MYO1E: variants seen among roughly 807,000 people sequenced by gnomAD.
The protein encoded by MYO1E is myosin IE, also known as unconventional myosin-Ie.
Under a neutral mutation model 151.1 loss-of-function variants are expected in MYO1E, and 68 were observed. The ratio of observed to expected loss-of-function variants is 0.45; its 90% CI spans 0.37 to 0.55. The LOEUF is 0.55. Among genes scored for constraint, MYO1E ranks in the 20% least tolerant of loss-of-function variants. The pLI is 0.00. For missense variants in MYO1E, 1,363 were observed against 1,389.3 expected (o/e 0.98, Z 0.30); for synonymous variants, 601 against 501.7 (o/e 1.20, Z -2.64).
At chr15:59,186,395 A>G in intron 18 of MYO1E, among the ~76,000 whole-genome samples, 1 of 126,348 alleles carries the variant, frequency 7.9e-6, no homozygotes, top group Non-Finnish European at 1.6e-5. Flanking sequence ...GTTATATACA[A>G]TCTGAATTTT....
chr15:59,174,281 C>T, intron 19 of MYO1E, 41 bp from the exon 20 acceptor site: 1 of 1,417,338 alleles, frequency 7.1e-7, no homozygotes, highest in Non-Finnish European at 1.0e-6. Flanking sequence ...AAGCCCCAAG[C>T]CCCAATCCCT....
At chr15:59,189,084 C>T (rs547755670) in intron 17 of MYO1E, among the ~76,000 whole-genome samples, 42 of 152,110 alleles carry the variant, frequency 2.8e-4, no homozygotes, top group African/African-American at 1.0e-3. Context: ...TTTTTTGATA[C>T]AGGGTCTCAC....
intron 15 of MYO1E, among the ~76,000 whole-genome samples, chr15:59,204,448 G>C (rs1427314492): frequency 6.6e-6 from 1 of 152,212 alleles, no homozygotes; most frequent in Admixed American, 6.5e-5. Context: ...AACTAATAGA[G>C]AGCAAAAGGG....
At chr15:59,242,966 G>C (rs1702363305) in intron 4 of MYO1E, among the ~76,000 whole-genome samples, 1 of 152,194 alleles carries the variant, frequency 6.6e-6, no homozygotes. Flanking sequence ...AAAAGTCAGA[G>C]AGGTACACAG....
At chr15:59,308,337 A>C (rs2080528321) in intron 1 of MYO1E, among the ~76,000 whole-genome samples, 2 of 149,448 alleles carry the variant, frequency 1.3e-5, no homozygotes, top group Non-Finnish European at 3.0e-5. Context: ...GGAGTTCGAG[A>C]CCAGCATGGC....
intron 1 of MYO1E, among the ~76,000 whole-genome samples, chr15:59,298,409 C>T (rs1450110677): frequency 3.3e-5 from 5 of 152,156 alleles, no homozygotes; most frequent in Non-Finnish European, 7.3e-5. Flanking sequence ...TGCGTTCTAC[C>T]TCCACAAGGT....
chr15:59,228,449 C>T (rs949705143), intron 6 of MYO1E, among the ~76,000 whole-genome samples: 1 of 151,748 alleles, frequency 6.6e-6, no homozygotes, highest in East Asian at 1.9e-4. Context: ...CAGCCTGGGC[C>T]AGAGAGCGAG....
At chr15:59,224,904 C>T in intron 7 of MYO1E, 81 bp from the exon 8 acceptor site, 3 of 1,580,042 alleles carry the variant, frequency 1.9e-6, no homozygotes, top group Non-Finnish European at 2.6e-6. Context: ...CAGCCACCAT[C>T]CCTAAGGACT....
At chr15:59,363,168 G>A (rs1239235194) in intron 1 of MYO1E, among the ~76,000 whole-genome samples, 4 of 151,858 alleles carry the variant, frequency 2.6e-5, no homozygotes, top group Admixed American at 6.6e-5. Context: ...TAGTAGAGAC[G>A]GGGTTTCACC....
chr15:59,221,782 G>A (rs543477842), intron 9 of MYO1E, among the ~76,000 whole-genome samples: 1 of 152,260 alleles, frequency 6.6e-6, no homozygotes, highest in East Asian at 1.9e-4. Flanking sequence ...CTAGGGAAGT[G>A]TTTGCTGTTT....
intron 26 of MYO1E, among the ~76,000 whole-genome samples, chr15:59,153,198 GC>G (rs1455459033): frequency 6.6e-6 from 1 of 152,188 alleles, no homozygotes; most frequent in African/African-American, 2.4e-5. Flanking sequence ...GGGATGTTAT[GC>G]TTAATGTTGC....
intron 14 of MYO1E, among the ~76,000 whole-genome samples, chr15:59,205,943 A>T (rs1402836903): frequency 1.3e-5 from 2 of 152,186 alleles, no homozygotes; most frequent in African/African-American, 4.8e-5. Context: ...AGTTTCTCCC[A>T]GAAGTGGTAT....
intron 1 of MYO1E, among the ~76,000 whole-genome samples, chr15:59,363,569 G>A (rs2080897494): frequency 6.6e-6 from 1 of 152,170 alleles, no homozygotes; most frequent in African/African-American, 2.4e-5. Context: ...TTTTCAAAGA[G>A]CATGGACTTA....
At chr15:59,171,787 T>G in intron 22 of MYO1E, 110 bp downstream of exon 22, 2 of 1,383,304 alleles carry the variant, frequency 1.4e-6, no homozygotes, top group Non-Finnish European at 2.0e-6. Flanking sequence ...TTGATCATGA[T>G]TTTGACAGCT....
At chr15:59,270,397 A>T (rs926404234) in intron 2 of MYO1E, among the ~76,000 whole-genome samples, 1 of 151,920 alleles carries the variant, frequency 6.6e-6, no homozygotes, top group Non-Finnish European at 1.5e-5. Flanking sequence ...ACAAAAAATC[A>T]GCCAGGCATC....
At chr15:59,341,381 G>GATGATACTAAAA (rs1402916816) in intron 1 of MYO1E, 1 of 151,832 alleles carries the variant, frequency 6.6e-6, no homozygotes, top group African/African-American at 2.4e-5. Context: ...TCTTCTCTGT[G>GATGATACTAAAA]TCATTCCAAT....
In MYO1E at chr15:59,138,293, T is replaced by G. The variant is rs1400237025; in HGVS notation, c.3155A>C (p.Gln1052Pro). The G allele has an allele frequency of 6.2e-7, 1 of 1,614,226 alleles. No homozygotes were observed. Among genetic ancestry groups the G allele is most frequent in the Admixed American group, 1.7e-5 (1 of 60,034 alleles). ...ATACAAAGCCTTGCACTGTGGCACC[T>G]GAGGCTTGGGCTTGGGCTGGGGCTT... ...RPKPQPKPKP[Q>P]VPQCKALYAY... Residue 1052 changes from glutamine to proline, a missense_variant, in exon 27 of 28, where the codon CAG (glutamine) becomes CCG (proline). Physicochemically the swap from Gln to Pro is moderately conservative, Grantham distance 76 (BLOSUM62 -1). Coordinates refer to ENST00000288235, the MANE Select transcript of MYO1E (RefSeq NM_004998.4).
chr15:59,210,642 GCAAGAGC>G, intron 12 of MYO1E, 42 bp from the exon 13 acceptor site: 1 of 1,396,238 alleles, frequency 7.2e-7, no homozygotes, highest in South Asian at 1.2e-5. Context: ...TTCCCAGATA[GCAAGAGC>G]TCTGCACGGA....
At chr15:59,326,939 G>A (rs1236835331) in intron 1 of MYO1E, among the ~76,000 whole-genome samples, 1 of 152,192 alleles carries the variant, frequency 6.6e-6, no homozygotes, top group African/African-American at 2.4e-5. Context: ...AAAACAGCAA[G>A]TCAGGGAACC....
Sources: gnomAD v4.1 joint callset for allele counts (sites outside exome capture counted in the v4.1 genomes callset) on GRCh38, gnomAD v4.1.1 for gene constraint, MANE v1.5 for transcripts, NCBI Gene and HGNC (gene_info 2026-07-23, HGNC 2026-07-21) for gene names.